PTPRN2: variants seen among roughly 807,000 people sequenced by gnomAD.
PTPRN2 encodes the protein protein tyrosine phosphatase receptor type N2.
A neutral mutation model predicts 118.8 loss-of-function variants in PTPRN2; 74 were observed. The ratio of observed to expected loss-of-function variants is 0.62; its 90% CI spans 0.52 to 0.76. PTPRN2 has a LOEUF of 0.76. Among genes scored for constraint, PTPRN2 ranks in the 30% least tolerant of loss-of-function variants. PTPRN2 has a pLI of 0.00. For synonymous variants in PTPRN2, 641 were observed against 608.0 expected (o/e 1.05, Z -0.80); for missense variants, 1,481 against 1,394.4 (o/e 1.06, Z -0.99).
intron 12 of PTPRN2, among the ~76,000 whole-genome samples, chr7:157,776,122 A>C (rs1177022834): frequency 7.9e-4 from 62 of 78,394 alleles, no homozygotes; most frequent in South Asian, 1.2e-3. Flanking sequence ...CTCCTTTTTC[A>C]CCTCCTCCCT....
chr7:158,579,622 C>A (rs537278898), intron 1 of PTPRN2, among the ~76,000 whole-genome samples: 87 of 152,328 alleles, frequency 5.7e-4, no homozygotes, highest in Non-Finnish European at 1.1e-3. Flanking sequence ...TCTGTCAACA[C>A]GCTGCATGGA....
chr7:158,377,593 A>G (rs1810645857), intron 2 of PTPRN2, among the ~76,000 whole-genome samples: 1 of 152,158 alleles, frequency 6.6e-6, no homozygotes, highest in Non-Finnish European at 1.5e-5. Context: ...GGAAATGCAC[A>G]CACAATTTTC....
At chr7:157,971,744 T>C (rs11982923) in intron 11 of PTPRN2, among the ~76,000 whole-genome samples, 6,240 of 151,974 alleles carry the variant, frequency 0.041, 413 homozygotes, top group African/African-American at 0.14. Flanking sequence ...ATGAGAGCAT[T>C]GGTAAAGTAA....
chr7:158,009,284 G>A (rs977490603), intron 11 of PTPRN2, among the ~76,000 whole-genome samples: 1 of 152,032 alleles, frequency 6.6e-6, no homozygotes, highest in Admixed American at 6.6e-5. Flanking sequence ...CAGTTCTGAG[G>A]CACGATTATA....
chr7:158,543,239 C>A (rs1307588832), intron 1 of PTPRN2, among the ~76,000 whole-genome samples: 1 of 152,198 alleles, frequency 6.6e-6, no homozygotes, highest in East Asian at 1.9e-4. Flanking sequence ...TTAGTGGGTT[C>A]AATACGCCAG....
At chr7:157,744,428 C>T (rs1800805317) in intron 12 of PTPRN2, among the ~76,000 whole-genome samples, 1 of 152,128 alleles carries the variant, frequency 6.6e-6, no homozygotes, top group Admixed American at 6.5e-5. Context: ...AGCATCGGGC[C>T]GTGATGTGCC....
At chr7:158,365,713 C>T (rs574192718) in intron 2 of PTPRN2, among the ~76,000 whole-genome samples, 67 of 148,292 alleles carry the variant, frequency 4.5e-4, no homozygotes, top group African/African-American at 1.7e-3. Flanking sequence ...TGCACACGCA[C>T]ACACACCCAC....
At chr7:158,087,247 G>A (rs1397343784) in intron 10 of PTPRN2, among the ~76,000 whole-genome samples, 1 of 152,352 alleles carries the variant, frequency 6.6e-6, no homozygotes, top group South Asian at 2.1e-4. Flanking sequence ...CTTTCTCAGG[G>A]AGCCTGGTTG....
chr7:158,468,755 C>A lies in PTPRN2; in HGVS notation c.163+20980G>T, dbSNP rs554552957. Among the ~76,000 whole-genome samples the A allele has an allele frequency of 5.5e-4, 83 of 151,840 alleles. 1 individual carries two copies. The South Asian group carries it at 0.017, about 30-fold the overall frequency. On this transcript the variant is annotated intron_variant, in intron 2 of 22. Transcript: ENST00000389418. ...AAAGATCGAGACTCTATTGTGCATA[C>A]AGGCATGCACACCCCCCACCCACAC...
chr7:157,737,389 C>T (rs778866136), intron 12 of PTPRN2, among the ~76,000 whole-genome samples: 2 of 152,200 alleles, frequency 1.3e-5, no homozygotes, highest in Non-Finnish European at 1.5e-5. Flanking sequence ...AGTCTGAGTG[C>T]GCTGGGCTTG....
In PTPRN2 at chr7:158,118,196, T is replaced by C. The variant is rs151229960; in HGVS notation, c.1557-7281A>G. 5.1e-3 allele frequency among the ~76,000 whole-genome samples: 776 copies of C among 152,290 alleles called. 3 individuals are homozygous for C. Among genetic ancestry groups the C allele is most frequent in the African/African-American group, 0.018 (747 of 41,562 alleles). On this transcript the variant is annotated intron_variant, in intron 9 of 22. Transcript: ENST00000389418. ...AAGAAACGAATAAATTTTAAACAAT[T>C]ATTAGTTTATATCCTGGGACATACA...
intron 11 of PTPRN2, among the ~76,000 whole-genome samples, chr7:158,005,332 C>G (rs929750318): frequency 1.3e-5 from 2 of 152,140 alleles, no homozygotes; most frequent in African/African-American, 4.8e-5. Context: ...ACTCAGCCTC[C>G]CAAAGTGCTG....
intron 9 of PTPRN2, among the ~76,000 whole-genome samples, chr7:158,122,907 G>T (rs1049233194): frequency 6.6e-6 from 1 of 152,108 alleles, no homozygotes; most frequent in African/African-American, 2.4e-5. Flanking sequence ...CATTTTGGCA[G>T]CCTTGTTACT....
At chr7:158,288,134 A>G (rs955492832) in intron 3 of PTPRN2, among the ~76,000 whole-genome samples, 4 of 152,054 alleles carry the variant, frequency 2.6e-5, no homozygotes, top group African/African-American at 7.2e-5. Context: ...TTTGGTCTTC[A>G]TTTGCATGAA....
chr7:158,059,467 C>T (rs1810127864), intron 11 of PTPRN2, among the ~76,000 whole-genome samples: 1 of 122,282 alleles, frequency 8.2e-6, no homozygotes, highest in Non-Finnish European at 1.6e-5. Context: ...TCCATCTGCA[C>T]ACAGTGACAC....
intron 3 of PTPRN2, among the ~76,000 whole-genome samples, chr7:158,260,731 A>T (rs1306746124): frequency 6.7e-6 from 1 of 150,074 alleles, no homozygotes; most frequent in Non-Finnish European, 1.5e-5. Flanking sequence ...CCCAAGCCTC[A>T]GGCTGGCATT....
At chr7:158,265,119 T>C (rs1797785603) in intron 3 of PTPRN2, among the ~76,000 whole-genome samples, 1 of 152,046 alleles carries the variant, frequency 6.6e-6, no homozygotes, top group South Asian at 2.1e-4. Flanking sequence ...GCATGCTTCG[T>C]ATGTGTTCCG....
At chr7:158,293,552 G>A (rs183549652) in intron 3 of PTPRN2, among the ~76,000 whole-genome samples, 107 of 152,114 alleles carry the variant, frequency 7.0e-4, no homozygotes, top group African/African-American at 2.5e-3. Flanking sequence ...CTCCAGCCTA[G>A]GTGACAGAGC....
At chr7:157,726,842 A>C (rs1799631278) in intron 12 of PTPRN2, among the ~76,000 whole-genome samples, 1 of 152,194 alleles carries the variant, frequency 6.6e-6, no homozygotes. Context: ...CAGAAAACAC[A>C]AAGTACTTGA....
Sources: allele counts gnomAD v4.1 joint callset (sites outside exome capture counted in the v4.1 genomes callset), GRCh38; gene constraint gnomAD v4.1.1; transcripts MANE v1.5; gene names NCBI Gene and HGNC (gene_info 2026-07-23, HGNC 2026-07-21).